KIF26A: variants seen among roughly 807,000 people sequenced by gnomAD.
The protein encoded by KIF26A is kinesin family member 26A.
In KIF26A, 74 loss-of-function variants were observed where a neutral mutation model predicts 126.0. The ratio of observed to expected loss-of-function variants is 0.59; its 90% CI spans 0.49 to 0.71. The LOEUF (loss-of-function observed/expected upper bound fraction) is 0.71. Ranked by LOEUF, KIF26A falls within the 30% of genes least tolerant of loss-of-function variation. The pLI is 0.00. For synonymous variants in KIF26A, 1,445 were observed against 1,232.7 expected, an observed-to-expected ratio of 1.17 and a Z score of -3.61; for missense variants, 2,984 against 2,763.3, an observed-to-expected ratio of 1.08 and a Z score of -1.79.
At position 104,140,712 on chromosome 14, in the gene KIF26A, C is replaced by T. The variant is rs559779913; in HGVS notation, c.288+1424C>T. ...CTCATCTAGGGGGGTGTCTTGGTCTCTTCTGGCAGACAGGTCTTCAGGGGA... is the reference window on the plus strand; with the variant it reads ...CTCATCTAGGGGGGTGTCTTGGTCTTTTCTGGCAGACAGGTCTTCAGGGGA... On this transcript the variant is annotated intron_variant, in intron 2 of 14. Transcript: ENST00000423312. 3.9e-4 allele frequency among the ~76,000 whole-genome samples: 59 copies of T among 152,148 alleles called. No homozygotes were observed. The South Asian group carries it at 0.012, about 32-fold the overall frequency.
Position 104,174,279 on chromosome 14 carries a change from G to T in KIF26A, c.2162G>T (p.Arg721Leu). Residue 721 changes from arginine (R) to leucine (L), a missense_variant, in exon 11 of 15, where the codon CGC (arginine) becomes CTC (leucine). Transcript: ENST00000423312. ...CTCAGCACCGTGCAGCTCGCCGCCC[G>T]CATCCACCGCCTGCGCAGGAAGAAG... The part of the protein sequence containing the change: ...ETLSTVQLAA[R>L]IHRLRRKKAK... 3 of 1,558,112 alleles carry T rather than the reference G, an allele frequency of 1.9e-6. No homozygotes were observed. The highest frequency in any genetic ancestry group is 2.6e-6 in the Non-Finnish European group (3 of 1,152,198).
At chr14:104,164,269 T>C (rs564872238) in intron 4 of KIF26A, among the ~76,000 whole-genome samples, 2 of 145,534 alleles carry the variant, frequency 1.4e-5, no homozygotes, top group Non-Finnish European at 3.0e-5. Flanking sequence ...GCGTGGGGCA[T>C]GTTAGGGGAC....
chr14:104,149,700 G>A (rs1779758942), intron 2 of KIF26A, among the ~76,000 whole-genome samples: 1 of 152,170 alleles, frequency 6.6e-6, no homozygotes, highest in Non-Finnish European at 1.5e-5. Flanking sequence ...GCATTCTCAG[G>A]TCGATCCGGG....
Position 104,175,376 on chromosome 14 carries a change from G to T in KIF26A, c.2588G>T (p.Gly863Val), listed in dbSNP as rs757523820. Residue 863 changes from glycine (G) to valine (V), a missense_variant, in exon 12 of 15, where the codon GGC becomes GTC. By Grantham distance (109) the Gly-to-Val change is moderately radical. Coordinates refer to ENST00000423312, the MANE Select transcript of KIF26A (RefSeq NM_015656.2). ...GAGGGTCCCTCAGGAGGTCCAGGTG[G>T]CACCGACGGAGCTCAGGCCAGCCCC... ...GNEGPSGGPG[G>V]TDGAQASPAR... 6.3e-7 allele frequency: 1 copy of T among 1,599,310 alleles called. No individual in the cohort carries two copies. Among genetic ancestry groups the T allele is most frequent in the South Asian group, 1.1e-5 (1 of 90,424 alleles).
chr14:104,173,728 G>A lies in KIF26A; in HGVS notation c.1890G>A (p.Leu630=). 6.2e-7 allele frequency: 1 copy of A among 1,611,286 alleles called. No individual in the cohort carries two copies. The highest frequency in any genetic ancestry group is 8.5e-7 in the Non-Finnish European group (1 of 1,179,540). ...CAGTGTCCGGAGGCCGCAGCCGCCT[G>A]CACCTCATCGACCTGGGCAGCTGTG... The part of the protein sequence containing the change: ...RGGMSGGRSR[L]HLIDLGSCEA... The change falls in exon 10 of 15, where the codon CTG becomes CTA. Residue 630 remains leucine (L), a synonymous_variant. Coordinates refer to ENST00000423312, the MANE Select transcript of KIF26A (RefSeq NM_015656.2).
chr14:104,167,530 T>G (rs545424030), intron 5 of KIF26A, among the ~76,000 whole-genome samples: 10 of 152,206 alleles, frequency 6.6e-5, no homozygotes, highest in Non-Finnish European at 1.3e-4. Context: ...GACTGCCGCC[T>G]GTGGAGGGCA....
intron 7 of KIF26A, 110 bp downstream of exon 7, chr14:104,172,778 G>A: frequency 9.4e-7 from 1 of 1,061,360 alleles, no homozygotes; most frequent in Non-Finnish European, 1.4e-6. Context: ...TCCTACACAT[G>A]GGCCGTGGTG....
rs953083917 is a variant in KIF26A at position 104,179,621 on chromosome 14, C to T, written c.5480C>T (p.Pro1827Leu). 62 of 1,533,008 alleles carry T rather than the reference C, an allele frequency of 4.0e-5. No homozygotes were observed. Among genetic ancestry groups the T allele is most frequent in the South Asian group, 1.2e-4 (10 of 81,168 alleles). The allele number at this position is 1,533,008 out of a possible 1,614,324, so 95.0% of individuals were successfully genotyped here. A position where few individuals can be genotyped will look rare whatever the true frequency, so the allele number is the denominator to read the frequency against. The change falls in exon 15 of 15, where the codon CCG (proline) becomes CTG (leucine). Residue 1827 changes from proline (P) to leucine (L), a missense_variant. Transcript: ENST00000423312. ...CTCCCCTCCCCAGTTGAGGTGGACC[C>T]GGAGCTGGAGCCCGAGTCGGCCGAG... Reference protein sequence around the residue: ...GRWLEQFEVDPELEPESAEYL... With the variant: ...GRWLEQFEVDLELEPESAEYL...
At chr14:104,158,211 G>A (rs2037801263) in intron 4 of KIF26A, among the ~76,000 whole-genome samples, 1 of 152,272 alleles carries the variant, frequency 6.6e-6, no homozygotes, top group African/African-American at 2.4e-5. Flanking sequence ...CTGAGTTGGA[G>A]CCTGGTCCCT....
chr14:104,155,202 G>A (rs1414145591), intron 3 of KIF26A, among the ~76,000 whole-genome samples: 1 of 152,162 alleles, frequency 6.6e-6, no homozygotes, highest in Non-Finnish European at 1.5e-5. Flanking sequence ...GCACAAAATA[G>A]CACCCAGTGA....
At chr14:104,139,378 C>G in intron 2 of KIF26A, 90 bp downstream of exon 2, 1 of 1,324,784 alleles carries the variant, frequency 7.5e-7, no homozygotes, top group Non-Finnish European at 9.8e-7. Flanking sequence ...CAGGGTTCCA[C>G]TCCTTCCCTG....
At position 104,173,742 on chromosome 14, in the gene KIF26A, TG is replaced by T; in HGVS notation, c.1907del (p.Gly636AlafsTer63). ...GGRSRLHLID[L>X]GSCEAAAGRA... The stretch of plus-strand genomic sequence containing the variant: ...CGCAGCCGCCTGCACCTCATCGACC[TG>T]GGCAGCTGTGAGGCGGCGGCTGGCA... On this transcript the variant is annotated frameshift_variant, in exon 10 of 15. Coordinates refer to ENST00000423312, the MANE Select transcript of KIF26A (RefSeq NM_015656.2). LOFTEE classifies it high-confidence loss of function. The T allele has an allele frequency of 1.2e-6, 2 of 1,611,118 alleles. No individual in the cohort carries two copies. The highest frequency in any genetic ancestry group is 1.1e-5 in the South Asian group (1 of 90,978).
rs1483235456 is a variant in KIF26A, at chr14:104,148,728, C to T, written c.289-3287C>T. On this transcript the variant is annotated intron_variant, in intron 2 of 14. Transcript: ENST00000423312. This position sits in a 1 kb window ranked among gnomAD's most constrained non-coding sequence, Gnocchi z 4.3. ...GCGGCTTTTGTCTCTCTGAGGGCTG[C>T]GTCTGGGGTCTGCTGTGCGGGGAGC... Among the ~76,000 whole-genome samples the T allele has an allele frequency of 1.3e-5, 2 of 151,910 alleles. No homozygotes were observed. Among genetic ancestry groups the T allele is most frequent in the African/African-American group, 2.4e-5 (1 of 41,336 alleles).
In KIF26A at chr14:104,172,612, A is replaced by G. The variant is rs775833087; in HGVS notation, c.1364A>G (p.Gln455Arg). The G allele has an allele frequency of 1.4e-5, 23 of 1,613,200 alleles. No homozygotes were observed. The highest frequency in any genetic ancestry group is 1.9e-5 in the Non-Finnish European group (23 of 1,179,788). Residue 455 changes from glutamine (Q) to arginine (R), a missense_variant, in exon 7 of 15, where the codon CAG (glutamine) becomes CGG (arginine). Coordinates refer to ENST00000423312, the MANE Select transcript of KIF26A (RefSeq NM_015656.2). ...VCSGTVADVL[Q>R]SVVSGADGCI... ...TCGGGGACCGTGGCCGACGTGCTCC[A>G]GTCGGTGGTCAGTGGGGCTGATGGC...
intron 4 of KIF26A, among the ~76,000 whole-genome samples, chr14:104,166,327 C>T (rs2037901882): frequency 6.6e-6 from 1 of 152,156 alleles, no homozygotes; most frequent in Non-Finnish European, 1.5e-5. Flanking sequence ...TATGTGGTCA[C>T]TGTGCTGGGT....
intron 6 of KIF26A, among the ~76,000 whole-genome samples, chr14:104,172,359 C>G (rs1280865534): frequency 2.0e-5 from 3 of 152,264 alleles, no homozygotes; most frequent in Non-Finnish European, 4.4e-5. Context: ...TGTGTCTGCA[C>G]GTGTCTGGCC....
Position 104,175,575 on chromosome 14 carries a change from T to G in KIF26A, c.2787T>G (p.Ala929=). The change falls in exon 12 of 15, where the codon GCT becomes GCG. Residue 929 remains alanine (A), a synonymous_variant. Coordinates refer to ENST00000423312, the MANE Select transcript of KIF26A (RefSeq NM_015656.2). Reference sequence around the variant, plus strand: ...GTGACCAGAGAGAGGACAGCAGCGCTTGGCCTGAGCTGCTGGTCCCGGAAA... The same window carrying G: ...GTGACCAGAGAGAGGACAGCAGCGCGTGGCCTGAGCTGCTGGTCCCGGAAA... ...VWGDQREDSS[A]WPELLVPEKA... is the part of the protein sequence containing the mutation. The G allele has an allele frequency of 6.2e-7, 1 of 1,607,968 alleles. No homozygotes were observed. Among genetic ancestry groups the G allele is most frequent in the Non-Finnish European group, 8.5e-7 (1 of 1,179,528 alleles).
intron 5 of KIF26A, among the ~76,000 whole-genome samples, chr14:104,170,085 G>A (rs758604692): frequency 2.0e-5 from 3 of 152,230 alleles, no homozygotes; most frequent in Non-Finnish European, 4.4e-5. Flanking sequence ...CTGGTGGAAA[G>A]GGTGGCCGGC....
rs1234091946 is a variant in KIF26A, at chr14:104,175,789, C to T, written c.3001C>T (p.Arg1001Cys). 7.8e-6 allele frequency: 12 copies of T among 1,539,210 alleles called. No homozygotes were observed. Among genetic ancestry groups the T allele is most frequent in the Admixed American group, 3.9e-5 (2 of 51,020 alleles). ...GATGCTTCCTGGGGCCACCTGCCCC[C>T]GCCTGGCTGCTGGCAGTCGCTGTCC... ...SPMLPGATCPRLAAGSRCPER... is the reference protein window; with the variant it reads ...SPMLPGATCPCLAAGSRCPER... Residue 1001 changes from arginine to cysteine, a missense_variant, in exon 12 of 15, where the codon CGC (arginine) becomes TGC (cysteine). Coordinates refer to ENST00000423312, the MANE Select transcript of KIF26A (RefSeq NM_015656.2).
Sources: gnomAD v4.1 joint callset for allele counts (sites outside exome capture counted in the v4.1 genomes callset) on GRCh38, gnomAD v4.1.1 for gene constraint, Gnocchi (gnomAD v3.1) non-coding constraint, MANE v1.5 for transcripts, NCBI Gene and HGNC (gene_info 2026-07-23, HGNC 2026-07-21) for gene names.